Variants in PTPN2 observed in about 807,000 individuals in gnomAD.
PTPN2 encodes the protein tyrosine-protein phosphatase non-receptor type 2.
A neutral mutation model predicts 57.3 loss-of-function variants in PTPN2; 19 were observed. That is an observed-to-expected ratio of 0.33 (90% confidence interval 0.23 to 0.49). PTPN2 has a LOEUF of 0.49. PTPN2 is among the 20% of genes least tolerant of loss of function. The probability of loss-of-function intolerance (pLI) is 0.99; values close to 1 mark genes in which losing one functional copy is unlikely to be tolerated. For missense variants in PTPN2, 358 were observed against 501.1 expected (o/e 0.71, Z 2.73); for synonymous variants, 153 against 164.9 (o/e 0.93, Z 0.55).
At position 12,793,780 on chromosome 18, in the gene PTPN2, AAATAT is replaced by A; in HGVS notation, c.*493_*497del. 1 of 937,538 alleles carries A rather than the reference AAATAT, an allele frequency of 1.1e-6. No individual in the cohort carries two copies. The highest frequency in any genetic ancestry group is 4.9e-5 in the South Asian group (1 of 20,540). 58.1% of individuals were successfully genotyped at this position (937,538 alleles called of 1,614,324 possible). ...ACAAAAGATTAAATAGATACTTATA[AAATAT>A]ATTTACCCTGAAATGCTTAAGAATA... On this transcript the variant is annotated 3_prime_UTR_variant, in exon 9 of 9. Coordinates refer to ENST00000309660, the MANE Select transcript of PTPN2 (RefSeq NM_002828.4).
chr18:12,869,825 T>C (rs2044124609), intron 1 of PTPN2, among the ~76,000 whole-genome samples: 3 of 152,194 alleles, frequency 2.0e-5, no homozygotes, highest in African/African-American at 7.2e-5. Flanking sequence ...TCCTAAATTA[T>C]ATGATGAAAA....
In PTPN2 at chr18:12,793,528, AAAAACT is replaced by A. The variant is rs2041047237; in HGVS notation, c.*744_*749del. 1.0e-5 allele frequency: 10 copies of A among 981,224 alleles called. No homozygotes were observed. Among genetic ancestry groups the A allele is most frequent in the Non-Finnish European group, 9.7e-6 (8 of 825,596 alleles). The allele number at this position is 981,224 out of a possible 1,614,324, so 60.8% of individuals were successfully genotyped here. A position where few individuals can be genotyped will look rare whatever the true frequency, so the allele number is the denominator to read the frequency against. ...ATTTTCCTTCAAAGATATTTTTAGG[AAAAACT>A]TTTGTTTCTTTGTTTGCTTTTCTTT... On this transcript the variant is annotated 3_prime_UTR_variant, in exon 9 of 9. Coordinates refer to ENST00000309660, the MANE Select transcript of PTPN2 (RefSeq NM_002828.4).
rs148172903 is a variant in PTPN2, at chr18:12,797,258, A to G, written c.1041-2773T>C. Among the ~76,000 whole-genome samples the G allele has an allele frequency of 2.2e-4, 33 of 152,112 alleles. 1 individual carries two copies. The highest frequency in any genetic ancestry group is 8.0e-4 in the African/African-American group (33 of 41,498). ...GTTAACAAGGTTCCAATTTAGATAT[A>G]ATCTTTAACGTATTATTTCATTTTT... On this transcript the variant is annotated intron_variant, in intron 8 of 8. Coordinates refer to ENST00000309660, the MANE Select transcript of PTPN2 (RefSeq NM_002828.4).
chr18:12,880,046 G>A (rs1020024005), intron 1 of PTPN2, among the ~76,000 whole-genome samples: 7 of 152,180 alleles, frequency 4.6e-5, no homozygotes, highest in African/African-American at 1.7e-4. Context: ...TATGAAAGGG[G>A]AAGTCTTGGG....
At chr18:12,807,586 A>AAAAAAAAATATAT in intron 7 of PTPN2, among the ~76,000 whole-genome samples, 2 of 35,200 alleles carry the variant, frequency 5.7e-5, no homozygotes, top group African/African-American at 1.4e-4. Context: ...AAAAAAAAAA[A>AAAAAAAAATATAT]ATATATATAT....
At chr18:12,796,809 C>T (rs2145228527) in intron 8 of PTPN2, among the ~76,000 whole-genome samples, 1 of 152,312 alleles carries the variant, frequency 6.6e-6, no homozygotes, top group African/African-American at 2.4e-5. Flanking sequence ...AATTATCTTG[C>T]TCCACCCCCT....
intron 2 of PTPN2, among the ~76,000 whole-genome samples, chr18:12,854,540 G>A (rs1301413006): frequency 6.6e-6 from 1 of 152,126 alleles, no homozygotes; most frequent in Admixed American, 6.6e-5. Context: ...TGGGGCTAAG[G>A]CCAGTGAAGT....
intron 2 of PTPN2, among the ~76,000 whole-genome samples, chr18:12,839,008 T>C (rs1295590527): frequency 6.6e-6 from 1 of 151,760 alleles, no homozygotes; most frequent in Non-Finnish European, 1.5e-5. Context: ...AAAAGATTAA[T>C]ATAAAATAAA....
intron 1 of PTPN2, among the ~76,000 whole-genome samples, chr18:12,870,490 GAGAGAGAGAA>G (rs2044226731): frequency 4.0e-5 from 4 of 100,584 alleles, no homozygotes; most frequent in Non-Finnish European, 7.2e-5. Flanking sequence ...GAGAGAGAGA[GAGAGAGAGAA>G]AAGCGTGTTG....
rs1043143708 is a variant in PTPN2, at chr18:12,850,830, C to G, written c.160+8334G>C. Among the ~76,000 whole-genome samples the G allele has an allele frequency of 2.0e-5, 3 of 152,104 alleles. No individual in the cohort carries two copies. The East Asian group carries it at 5.8e-4, about 29-fold the overall frequency. ...TCTTGGCTCACCGCAACCTCTGCCT[C>G]CCGGATTCAAGCAATTCTCCTGCCT... On this transcript the variant is annotated intron_variant, in intron 2 of 8. Coordinates refer to ENST00000309660, the MANE Select transcript of PTPN2 (RefSeq NM_002828.4).
intron 1 of PTPN2, among the ~76,000 whole-genome samples, chr18:12,870,446 T>TAGAG (rs2044209563): frequency 8.8e-5 from 2 of 22,636 alleles, no homozygotes; most frequent in Non-Finnish European, 1.3e-4. Flanking sequence ...TATGTGTATA[T>TAGAG]ATATATATAT....
chr18:12,843,315 C>T (rs1333194110), intron 2 of PTPN2, among the ~76,000 whole-genome samples: 1 of 152,090 alleles, frequency 6.6e-6, no homozygotes, highest in Non-Finnish European at 1.5e-5. Flanking sequence ...ACTGACAAAC[C>T]CTCCTTAATA....
chr18:12,790,308 T>G (rs577845288), downstream of PTPN2, among the ~76,000 whole-genome samples: 1 of 152,196 alleles, frequency 6.6e-6, no homozygotes, highest in African/African-American at 2.4e-5. Flanking sequence ...AGGCAGGCAA[T>G]TTGGGAATGT....
chr18:12,824,340 G>A (rs541560021), intron 5 of PTPN2, among the ~76,000 whole-genome samples: 7 of 152,112 alleles, frequency 4.6e-5, no homozygotes, highest in Admixed American at 1.3e-4. Context: ...TAGGCCTCAC[G>A]CACAGAGCAT....
At chr18:12,807,466 G>C (rs565758113) in intron 7 of PTPN2, among the ~76,000 whole-genome samples, 35 of 149,190 alleles carry the variant, frequency 2.3e-4, no homozygotes, top group Non-Finnish European at 4.3e-4. Flanking sequence ...GATTTCAAAG[G>C]CATATCGGCA....
At chr18:12,842,968 C>G (rs113102068) in intron 2 of PTPN2, among the ~76,000 whole-genome samples, 50 of 152,310 alleles carry the variant, frequency 3.3e-4, no homozygotes, top group African/African-American at 1.2e-3. Flanking sequence ...CGTTAACTGA[C>G]TTTCTTAAGC....
downstream of PTPN2, among the ~76,000 whole-genome samples, chr18:12,789,122 G>C (rs1048206842): frequency 2.0e-5 from 3 of 152,156 alleles, no homozygotes; most frequent in Admixed American, 2.0e-4. Context: ...TTCCACCAAG[G>C]CATGTCACCC....
At chr18:12,830,877 T>C (rs1012927375) in intron 4 of PTPN2, 66 bp downstream of exon 4, 3 of 1,246,826 alleles carry the variant, frequency 2.4e-6, no homozygotes, top group Admixed American at 3.7e-5. Flanking sequence ...GGCCCCAAAA[T>C]GAAAATCTTT....
chr18:12,814,675 T>C (rs1030332629), intron 6 of PTPN2, among the ~76,000 whole-genome samples: 1 of 152,138 alleles, frequency 6.6e-6, no homozygotes, highest in Non-Finnish European at 1.5e-5. Context: ...TTCTGGCTAG[T>C]ATAAGGACTA....
Sources: allele counts gnomAD v4.1 joint callset (sites outside exome capture counted in the v4.1 genomes callset), GRCh38; gene constraint gnomAD v4.1.1; transcripts MANE v1.5; gene names NCBI Gene and HGNC (gene_info 2026-07-23, HGNC 2026-07-21).